Variants in SHOC2 observed in about 807,000 individuals in gnomAD.
SHOC2 encodes the protein SHOC2 leucine rich repeat scaffold protein.
In SHOC2, 4 loss-of-function variants were observed where a neutral mutation model predicts 50.2. The ratio of observed to expected loss-of-function variants is 0.08; its 90% confidence interval spans 0.04 to 0.18. The LOEUF is 0.18. Among genes scored for constraint, SHOC2 ranks in the 10% least tolerant of loss-of-function variants. The probability of loss-of-function intolerance (pLI) is 1.00; values close to 1 mark genes in which losing one functional copy is unlikely to be tolerated. For synonymous variants in SHOC2, 218 were observed against 244.5 expected (o/e 0.89, Z 1.01); for missense variants, 388 against 669.6 (o/e 0.58, Z 4.64).
At chr10:110,929,796 T>C (rs959791557) in intron 1 of SHOC2, among the ~76,000 whole-genome samples, 4 of 152,206 alleles carry the variant, frequency 2.6e-5, no homozygotes, top group South Asian at 2.1e-4. Context: ...TTGGAGGTTA[T>C]AGCTTCAGCA....
chr10:110,944,559 A>G (rs1249303492), intron 1 of SHOC2, among the ~76,000 whole-genome samples: 2 of 152,194 alleles, frequency 1.3e-5, no homozygotes, highest in Non-Finnish European at 2.9e-5. Context: ...TAAATAATAA[A>G]TGATCTTTGA....
intron 3 of SHOC2, among the ~76,000 whole-genome samples, chr10:110,990,189 T>TGCAGCCCC (rs1848155555): frequency 6.6e-6 from 1 of 152,048 alleles, no homozygotes; most frequent in Admixed American, 6.5e-5. Flanking sequence ...CCTGCAGCCC[T>TGCAGCCCC]GGTGCGGGAT....
At chr10:110,968,121 T>TA (rs1847712519) in intron 2 of SHOC2, among the ~76,000 whole-genome samples, 1 of 152,228 alleles carries the variant, frequency 6.6e-6, no homozygotes, top group Non-Finnish European at 1.5e-5. Context: ...GCATCCTCAG[T>TA]AACCTTGTTA....
chr10:111,000,833 T>G (rs1489905818), intron 4 of SHOC2, among the ~76,000 whole-genome samples: 1 of 152,174 alleles, frequency 6.6e-6, no homozygotes, highest in Non-Finnish European at 1.5e-5. Flanking sequence ...TAAATCTTTC[T>G]CATTTCATTT....
At chr10:110,939,274 A>G (rs1423765724) in intron 1 of SHOC2, among the ~76,000 whole-genome samples, 5 of 151,980 alleles carry the variant, frequency 3.3e-5, no homozygotes, top group African/African-American at 1.2e-4. Flanking sequence ...GGTGGAGTGC[A>G]GTGGCACCAT....
intron 1 of SHOC2, among the ~76,000 whole-genome samples, chr10:110,945,719 T>TA (rs1181569718): frequency 6.6e-6 from 1 of 152,176 alleles, no homozygotes; most frequent in African/African-American, 2.4e-5. Context: ...ATGCTAGGCT[T>TA]ACCCTGTGTG....
chr10:110,956,049 A>G (rs956197369), intron 1 of SHOC2, among the ~76,000 whole-genome samples: 4 of 152,190 alleles, frequency 2.6e-5, no homozygotes, highest in Non-Finnish European at 4.4e-5. Flanking sequence ...ATATATGGCT[A>G]TGTATGGGTA....
At chr10:110,942,826 T>C (rs1282422791) in intron 1 of SHOC2, among the ~76,000 whole-genome samples, 2 of 152,246 alleles carry the variant, frequency 1.3e-5, no homozygotes, top group African/African-American at 4.8e-5. Flanking sequence ...TTTATGGATA[T>C]AGAATTCTTG....
chr10:110,919,751 G>A (rs1229855662), intron 1 of SHOC2, 94 bp downstream of exon 1: 1 of 396,238 alleles, frequency 2.5e-6, no homozygotes, highest in African/African-American at 2.1e-5. Context: ...CTGTCGGTAG[G>A]GGGAGGCCCC....
chr10:110,940,918 T>G (rs1847127514), intron 1 of SHOC2, among the ~76,000 whole-genome samples: 2 of 678 alleles, frequency 2.9e-3, no homozygotes, highest in South Asian at 0.056. Flanking sequence ...GGGTTTTTTT[T>G]TTTTTTTTTT....
chr10:110,951,164 T>C (rs56350255), intron 1 of SHOC2, among the ~76,000 whole-genome samples: 10,857 of 152,230 alleles, frequency 0.071, 772 homozygotes, highest in East Asian at 0.3. Context: ...ATCCAAAATA[T>C]ATTTAAGAAC....
At chr10:111,000,675 A>T (rs897126496) in intron 4 of SHOC2, 130 bp downstream of exon 4, 10 of 790,478 alleles carry the variant, frequency 1.3e-5, no homozygotes, top group Non-Finnish European at 2.1e-5. Context: ...GTATGCTGTG[A>T]ATGTACCACC....
intron 1 of SHOC2, among the ~76,000 whole-genome samples, chr10:110,949,723 G>A (rs189023873): frequency 2.6e-4 from 39 of 152,274 alleles, no homozygotes; most frequent in African/African-American, 8.7e-4. Flanking sequence ...ACATTAAAAG[G>A]TTCACACACA....
intron 2 of SHOC2, among the ~76,000 whole-genome samples, chr10:110,967,856 A>T (rs1475429810): frequency 4.6e-5 from 7 of 152,078 alleles, no homozygotes; most frequent in Non-Finnish European, 8.8e-5. Flanking sequence ...ACCACATTTT[A>T]TTTATGCATT....
chr10:110,953,063 C>T (rs1287587331), intron 1 of SHOC2, among the ~76,000 whole-genome samples: 1 of 152,166 alleles, frequency 6.6e-6, no homozygotes, highest in East Asian at 1.9e-4. Flanking sequence ...ATGATTTATA[C>T]TCCTTTGGCT....
intron 1 of SHOC2, among the ~76,000 whole-genome samples, chr10:110,945,934 T>G (rs1478280919): frequency 6.6e-6 from 1 of 152,202 alleles, no homozygotes; most frequent in Admixed American, 6.5e-5. Flanking sequence ...CCTATGAGCA[T>G]ACCCACCCTA....
chr10:110,931,998 G>C (rs1846904876), intron 1 of SHOC2, among the ~76,000 whole-genome samples: 1 of 152,168 alleles, frequency 6.6e-6, no homozygotes, highest in African/African-American at 2.4e-5. Context: ...TGGGAACACA[G>C]AGGAGGTGGT....
intron 1 of SHOC2, among the ~76,000 whole-genome samples, chr10:110,956,093 C>T (rs548718637): frequency 3.2e-4 from 48 of 152,162 alleles, no homozygotes; most frequent in Non-Finnish European, 6.0e-4. Context: ...GAATTATAGA[C>T]TTTGCAGAGT....
chr10:110,973,113 G>A (rs1256052936), intron 2 of SHOC2, among the ~76,000 whole-genome samples: 1 of 152,176 alleles, frequency 6.6e-6, no homozygotes, highest in Non-Finnish European at 1.5e-5. Context: ...TAATGTTCTG[G>A]TATAAATTCT....
Sources: allele counts gnomAD v4.1 joint callset (sites outside exome capture counted in the v4.1 genomes callset), GRCh38; gene constraint gnomAD v4.1.1; transcripts MANE v1.5; gene names NCBI Gene and HGNC (gene_info 2026-07-23, HGNC 2026-07-21).